The following SNTG2 variants were observed in gnomAD, a reference collection of about 807,000 sequenced individuals.
SNTG2 encodes the protein gamma-2-syntrophin.
Under a neutral mutation model 70.9 loss-of-function variants are expected in SNTG2, and 74 were observed. The ratio of observed to expected loss-of-function variants is 1.04; its 90% CI spans 0.86 to 1.27. SNTG2 has a LOEUF of 1.27. Ranked by LOEUF, SNTG2 falls within the 50% of genes most tolerant of loss-of-function variation. SNTG2 has a pLI of 0.00. For missense variants in SNTG2, 717 were observed against 690.7 expected (o/e 1.04, Z -0.43); for synonymous variants, 278 against 273.8 (o/e 1.02, Z -0.15).
At chr2:1,307,426 AG>A (rs1215931512) in intron 14 of SNTG2, among the ~76,000 whole-genome samples, 1 of 141,002 alleles carries the variant, frequency 7.1e-6, no homozygotes, top group Non-Finnish European at 1.5e-5. Flanking sequence ...GGTGTGTGTG[AG>A]CCGTGTACTG....
At chr2:1,145,245 A>C (rs1669021230) in intron 6 of SNTG2, among the ~76,000 whole-genome samples, 1 of 151,916 alleles carries the variant, frequency 6.6e-6, no homozygotes, top group African/African-American at 2.4e-5. Context: ...AATGATGAAA[A>C]TTAGAGAAGA....
chr2:1,132,237 G>GTA (rs746491282), intron 4 of SNTG2, among the ~76,000 whole-genome samples: 21,126 of 107,032 alleles, frequency 0.2, 1,872 homozygotes, highest in East Asian at 0.5. Flanking sequence ...ATATGTGTGT[G>GTA]TATATATATA....
intron 1 of SNTG2, among the ~76,000 whole-genome samples, chr2:1,070,426 C>T (rs968760270): frequency 2.6e-5 from 4 of 152,078 alleles, no homozygotes; most frequent in Admixed American, 6.5e-5. Flanking sequence ...ACTCATTAGC[C>T]GTTGATGAGG....
chr2:1,154,492 G>A (rs1669725753), intron 6 of SNTG2, among the ~76,000 whole-genome samples: 1 of 152,166 alleles, frequency 6.6e-6, no homozygotes, highest in African/African-American at 2.4e-5. Flanking sequence ...GAGAAGTTGG[G>A]TGAAGGAGCA....
At chr2:1,193,420 C>A (rs1010702164) in intron 8 of SNTG2, among the ~76,000 whole-genome samples, 1 of 152,138 alleles carries the variant, frequency 6.6e-6, no homozygotes, top group African/African-American at 2.4e-5. Flanking sequence ...TACCCGAGGA[C>A]CTGCCTGCTT....
intron 8 of SNTG2, among the ~76,000 whole-genome samples, chr2:1,202,070 C>T (rs756202112): frequency 2.0e-5 from 3 of 152,070 alleles, no homozygotes; most frequent in Admixed American, 6.5e-5. Flanking sequence ...AAAACATGCT[C>T]TTCAAGCTGG....
At chr2:956,247 C>T (rs1243024523) in intron 1 of SNTG2, among the ~76,000 whole-genome samples, 2,083 of 133,142 alleles carry the variant, frequency 0.016, 89 homozygotes, top group African/African-American at 0.058. Flanking sequence ...CTGCCCCGCC[C>T]CGCCCCTGCG....
intron 1 of SNTG2, among the ~76,000 whole-genome samples, chr2:1,064,295 T>C (rs989958257): frequency 9.2e-5 from 14 of 152,018 alleles, no homozygotes; most frequent in Non-Finnish European, 1.5e-4. Flanking sequence ...AAAGATGTAC[T>C]TCAGACTGAA....
At chr2:1,096,966 A>G (rs1024534940) in intron 2 of SNTG2, among the ~76,000 whole-genome samples, 6 of 152,184 alleles carry the variant, frequency 3.9e-5, no homozygotes, top group Non-Finnish European at 8.8e-5. Flanking sequence ...AGCCAAAACG[A>G]TCACTCTGTA....
intron 10 of SNTG2, among the ~76,000 whole-genome samples, chr2:1,239,414 A>G (rs1191337352): frequency 1.3e-5 from 2 of 152,230 alleles, no homozygotes; most frequent in Non-Finnish European, 2.9e-5. Context: ...TCACAGTAAT[A>G]CTGACTCTCA....
intron 9 of SNTG2, among the ~76,000 whole-genome samples, chr2:1,217,804 T>G (rs1021394073): frequency 2.0e-5 from 3 of 152,032 alleles, no homozygotes; most frequent in Admixed American, 1.3e-4. Context: ...GATGCTAGAG[T>G]TTTGTCTGTC....
chr2:1,221,263 G>A (rs910055620), intron 9 of SNTG2, among the ~76,000 whole-genome samples: 3 of 20,358 alleles, frequency 1.5e-4, no homozygotes, highest in South Asian at 1.9e-3. Flanking sequence ...TCTCTCAGAG[G>A]TCTGTCTCTG....
At chr2:1,135,565 C>CA (rs1277199754) in intron 4 of SNTG2, among the ~76,000 whole-genome samples, 4 of 152,022 alleles carry the variant, frequency 2.6e-5, no homozygotes, top group South Asian at 2.1e-4. Flanking sequence ...ACTAAAAATA[C>CA]AAAAAAATTG....
chr2:1,076,881 A>G (rs1389428744), intron 1 of SNTG2, among the ~76,000 whole-genome samples: 1 of 152,336 alleles, frequency 6.6e-6, no homozygotes, highest in African/African-American at 2.4e-5. Context: ...ATTTGCATAA[A>G]TTATTAATGT....
intron 1 of SNTG2, among the ~76,000 whole-genome samples, chr2:1,020,165 G>T (rs943346084): frequency 7.9e-5 from 12 of 152,236 alleles, no homozygotes; most frequent in Admixed American, 2.0e-4. Context: ...ACAAGCTGAT[G>T]ATGAATAAAA....
At chr2:1,186,171 G>A (rs1208968552) in intron 8 of SNTG2, among the ~76,000 whole-genome samples, 1 of 151,948 alleles carries the variant, frequency 6.6e-6, no homozygotes, top group African/African-American at 2.4e-5. Flanking sequence ...TGCTATAAGT[G>A]TAACAAAAGT....
At chr2:1,163,921 C>A (rs967168395) in intron 6 of SNTG2, among the ~76,000 whole-genome samples, 23 of 152,264 alleles carry the variant, frequency 1.5e-4, no homozygotes, top group Admixed American at 5.9e-4. Context: ...GATCTCAGGC[C>A]ATGGGAACTT....
intron 1 of SNTG2, among the ~76,000 whole-genome samples, chr2:974,425 G>A (rs1660845924): frequency 6.6e-6 from 1 of 152,192 alleles, no homozygotes; most frequent in African/African-American, 2.4e-5. Flanking sequence ...TCCTGATCCT[G>A]CCTCTTTTCC....
chr2:1,208,777 G>A (rs1036283047), intron 8 of SNTG2, among the ~76,000 whole-genome samples: 8 of 152,088 alleles, frequency 5.3e-5, no homozygotes, highest in Non-Finnish European at 8.8e-5. Flanking sequence ...TTGGTTTTGC[G>A]TCTTTCTCAC....
Sources: gnomAD v4.1 joint callset for allele counts (sites outside exome capture counted in the v4.1 genomes callset) on GRCh38, gnomAD v4.1.1 for gene constraint, MANE v1.5 for transcripts, NCBI Gene and HGNC (gene_info 2026-07-23, HGNC 2026-07-21) for gene names.